L3MBTL4: variants seen among roughly 807,000 people sequenced by gnomAD.
L3MBTL4 encodes lethal(3)malignant brain tumor-like protein 4.
L3MBTL4 carries 70 observed loss-of-function variants against 84.5 expected under a neutral mutation model. The observed-to-expected ratio is 0.83, with a 90% CI of 0.68 to 1.01. The LOEUF is 1.01. Among genes scored for constraint, L3MBTL4 ranks in the 50% least tolerant of loss-of-function variants. The pLI is 0.00. For missense variants in L3MBTL4, 715 were observed against 754.8 expected (o/e 0.95, Z 0.62); for synonymous variants, 274 against 259.8 (o/e 1.05, Z -0.52).
chr18:5,968,084 G>A (rs1318803281), intron 17 of L3MBTL4, among the ~76,000 whole-genome samples: 2 of 152,232 alleles, frequency 1.3e-5, no homozygotes, highest in Non-Finnish European at 2.9e-5. Flanking sequence ...CCAATTTCTG[G>A]GTGGGCTTTG....
At chr18:6,291,285 CT>C (rs1342963555) in intron 4 of L3MBTL4, among the ~76,000 whole-genome samples, 3 of 152,144 alleles carry the variant, frequency 2.0e-5, no homozygotes, top group African/African-American at 7.2e-5. Context: ...GACAATATCC[CT>C]GACATGACTG....
intron 10 of L3MBTL4, among the ~76,000 whole-genome samples, chr18:6,228,800 G>A (rs553815264): frequency 4.6e-5 from 7 of 152,126 alleles, no homozygotes; most frequent in Non-Finnish European, 8.8e-5. Context: ...CAGGGCACAT[G>A]GGGGTCATTG....
At chr18:6,154,243 C>T (rs991126633) in intron 13 of L3MBTL4, among the ~76,000 whole-genome samples, 1 of 152,130 alleles carries the variant, frequency 6.6e-6, no homozygotes, top group Non-Finnish European at 1.5e-5. Flanking sequence ...TTAATATTTG[C>T]TTTACATAAT....
At chr18:6,382,622 G>A (rs1482692489) in intron 1 of L3MBTL4, among the ~76,000 whole-genome samples, 1 of 152,172 alleles carries the variant, frequency 6.6e-6, no homozygotes, top group East Asian at 1.9e-4. Flanking sequence ...GACCCTGTTT[G>A]CCTGGGTATC....
At chr18:6,209,672 C>T (rs758213432) in intron 12 of L3MBTL4, among the ~76,000 whole-genome samples, 5 of 152,098 alleles carry the variant, frequency 3.3e-5, no homozygotes, top group African/African-American at 4.8e-5. Context: ...TGAAAACATA[C>T]GTCCACACAA....
intron 14 of L3MBTL4, among the ~76,000 whole-genome samples, chr18:6,130,703 G>A (rs758313004): frequency 2.0e-5 from 3 of 152,152 alleles, no homozygotes; most frequent in East Asian, 1.9e-4. Flanking sequence ...AAAAAATTTC[G>A]TATCTAATCC....
intron 1 of L3MBTL4, among the ~76,000 whole-genome samples, chr18:6,318,503 A>T (rs2051231081): frequency 7.1e-6 from 1 of 141,706 alleles, no homozygotes; most frequent in African/African-American, 2.7e-5. Flanking sequence ...GTAAAAAAAA[A>T]AAAAAAAAAA....
chr18:6,084,998 G>C (rs534840532), intron 15 of L3MBTL4, among the ~76,000 whole-genome samples: 1 of 152,146 alleles, frequency 6.6e-6, no homozygotes, highest in African/African-American at 2.4e-5. Flanking sequence ...ATGTTCCCAC[G>C]CATGTGTGTA....
At chr18:6,137,027 T>C (rs1414423526) in intron 14 of L3MBTL4, among the ~76,000 whole-genome samples, 1 of 152,222 alleles carries the variant, frequency 6.6e-6, no homozygotes, top group African/African-American at 2.4e-5. Context: ...TAAAACTTTT[T>C]AATAACATTT....
chr18:6,134,929 A>AT, intron 14 of L3MBTL4, among the ~76,000 whole-genome samples: 1 of 152,264 alleles, frequency 6.6e-6, no homozygotes, highest in East Asian at 1.9e-4. Context: ...CTGACCCCAC[A>AT]TTTCCCTTCC....
At chr18:6,154,654 T>A (rs2043028419) in intron 13 of L3MBTL4, among the ~76,000 whole-genome samples, 1 of 152,144 alleles carries the variant, frequency 6.6e-6, no homozygotes, top group Non-Finnish European at 1.5e-5. Context: ...CACCTAATGC[T>A]CAACAACGCC....
rs1386901794 is a variant in L3MBTL4 at position 6,215,842 on chromosome 18, A to T, written c.785-7T>A. 1 of 1,368,788 alleles carries T rather than the reference A, an allele frequency of 7.3e-7. No individual in the cohort carries two copies. Among genetic ancestry groups the T allele is most frequent in the Non-Finnish European group, 1.0e-6 (1 of 993,800 alleles). 84.8% of individuals were successfully genotyped at this position (1,368,788 alleles called of 1,614,324 possible). On this transcript the variant is annotated splice_region_variant and splice_polypyrimidine_tract_variant and intron_variant, in intron 10 of 18. Coordinates refer to ENST00000317931, the MANE Select transcript of L3MBTL4 (RefSeq NM_001330559.2). ...TTTTCTGGATTGGGATAACCTGAAA[A>T]TATATATATATAAATAGCAAAAGAT...
chr18:6,051,619 C>T (rs868024106), intron 16 of L3MBTL4, among the ~76,000 whole-genome samples: 1 of 151,702 alleles, frequency 6.6e-6, no homozygotes, highest in Admixed American at 6.6e-5. Context: ...TGGATGATTG[C>T]GGCCCTTTCT....
chr18:6,130,175 G>A (rs1378990515), intron 14 of L3MBTL4, among the ~76,000 whole-genome samples: 7 of 152,144 alleles, frequency 4.6e-5, no homozygotes, highest in Non-Finnish European at 1.5e-5. Flanking sequence ...GCCTCATACT[G>A]CAGAGTGAGC....
chr18:6,090,591 T>C (rs1010466348), intron 15 of L3MBTL4, among the ~76,000 whole-genome samples: 9 of 128,350 alleles, frequency 7.0e-5, no homozygotes, highest in East Asian at 6.0e-4. Context: ...ATATTATATA[T>C]ATACACACAC....
chr18:6,367,928 A>G (rs1004132959), intron 1 of L3MBTL4, among the ~76,000 whole-genome samples: 2 of 152,214 alleles, frequency 1.3e-5, no homozygotes, highest in Non-Finnish European at 2.9e-5. Flanking sequence ...TGAAAGTTCT[A>G]TAAGTTACAG....
chr18:6,267,569 T>TA (rs1222531616), intron 4 of L3MBTL4, among the ~76,000 whole-genome samples: 1 of 152,246 alleles, frequency 6.6e-6, no homozygotes, highest in Non-Finnish European at 1.5e-5. Flanking sequence ...CAAAAAACAT[T>TA]ACAGCAGTGT....
At chr18:6,024,662 A>T (rs2145539730) in intron 16 of L3MBTL4, among the ~76,000 whole-genome samples, 1 of 152,324 alleles carries the variant, frequency 6.6e-6, no homozygotes, top group East Asian at 1.9e-4. Context: ...CCAAACTAAG[A>T]AATGAAACCA....
At chr18:6,380,612 T>C (rs1034468023) in intron 1 of L3MBTL4, among the ~76,000 whole-genome samples, 2 of 152,216 alleles carry the variant, frequency 1.3e-5, no homozygotes, top group Non-Finnish European at 2.9e-5. Context: ...TCAGTTTCCA[T>C]GTAGTTGTGC....
Sources: allele counts gnomAD v4.1 joint callset (sites outside exome capture counted in the v4.1 genomes callset), GRCh38; gene constraint gnomAD v4.1.1; transcripts MANE v1.5; gene names NCBI Gene and HGNC (gene_info 2026-07-23, HGNC 2026-07-21).